Variants in TMTC2 observed in about 807,000 individuals in gnomAD.
TMTC2 encodes the protein protein O-mannosyl-transferase TMTC2.
Under a neutral mutation model 82.4 loss-of-function variants are expected in TMTC2, and 43 were observed. The ratio of observed to expected loss-of-function variants is 0.52; its 90% CI spans 0.41 to 0.67. TMTC2 has a LOEUF of 0.67. TMTC2 is among the 30% of genes least tolerant of loss of function. The probability of loss-of-function intolerance (pLI) is 0.00; values close to 1 mark genes in which losing one functional copy is unlikely to be tolerated. For synonymous variants in TMTC2, 408 were observed against 381.9 expected, an observed-to-expected ratio of 1.07 and a Z score of -0.80; for missense variants, 919 against 1,012.4, an observed-to-expected ratio of 0.91 and a Z score of 1.25.
intron 7 of TMTC2, among the ~76,000 whole-genome samples, chr12:82,970,585 G>A (rs542777651): frequency 1.3e-4 from 19 of 151,342 alleles, no homozygotes; most frequent in South Asian, 2.1e-4. Flanking sequence ...CACCCGCCTC[G>A]GCCTCCCAAA....
intron 2 of TMTC2, among the ~76,000 whole-genome samples, chr12:82,887,616 T>C (rs1039698720): frequency 6.6e-6 from 1 of 152,220 alleles, no homozygotes; most frequent in Admixed American, 6.5e-5. Flanking sequence ...AACCTTATAT[T>C]GGCTGACTTT....
intron 11 of TMTC2, among the ~76,000 whole-genome samples, chr12:83,112,158 T>A (rs554317528): frequency 2.0e-5 from 3 of 152,200 alleles, no homozygotes; most frequent in Non-Finnish European, 4.4e-5. Context: ...CTTACTTGAT[T>A]TTTATTCCAT....
At chr12:83,024,292 T>G (rs1881068124) in intron 8 of TMTC2, among the ~76,000 whole-genome samples, 1 of 152,226 alleles carries the variant, frequency 6.6e-6, no homozygotes, top group African/African-American at 2.4e-5. Flanking sequence ...AATGTTCCTT[T>G]TATTTGTAAA....
chr12:83,011,987 C>A (rs1296571487), intron 8 of TMTC2, among the ~76,000 whole-genome samples: 2 of 152,060 alleles, frequency 1.3e-5, no homozygotes, highest in Non-Finnish European at 2.9e-5. Flanking sequence ...AGGATTGGCC[C>A]AATTCACATG....
At chr12:82,775,252 C>T (rs923418155) in intron 1 of TMTC2, among the ~76,000 whole-genome samples, 11 of 151,930 alleles carry the variant, frequency 7.2e-5, no homozygotes, top group East Asian at 3.9e-4. Context: ...AGTTTGAGAC[C>T]GGCCTGGACA....
chr12:82,855,803 T>G (rs1348066065), intron 1 of TMTC2, among the ~76,000 whole-genome samples: 1 of 152,250 alleles, frequency 6.6e-6, no homozygotes, highest in Non-Finnish European at 1.5e-5. Context: ...TCAACAGCTT[T>G]ATTCTGAGCC....
intron 8 of TMTC2, among the ~76,000 whole-genome samples, chr12:83,021,221 G>A (rs1481560085): frequency 2.0e-5 from 3 of 151,950 alleles, no homozygotes; most frequent in African/African-American, 7.3e-5. Flanking sequence ...CCGATTTCCA[G>A]TATTCTTATG....
chr12:82,995,818 G>C (rs879664095), intron 8 of TMTC2, among the ~76,000 whole-genome samples: 24 of 152,154 alleles, frequency 1.6e-4, no homozygotes, highest in Non-Finnish European at 3.1e-4. Flanking sequence ...TTTGAGACAG[G>C]GTCTTGCTCT....
intron 3 of TMTC2, among the ~76,000 whole-genome samples, chr12:82,914,670 C>T (rs890699374): frequency 4.0e-5 from 6 of 151,858 alleles, no homozygotes; most frequent in African/African-American, 1.5e-4. Context: ...AAGTGTATAT[C>T]GAATTGGTTA....
intron 1 of TMTC2, among the ~76,000 whole-genome samples, chr12:82,817,451 C>G (rs1868808746): frequency 1.3e-5 from 2 of 152,058 alleles, no homozygotes; most frequent in South Asian, 4.1e-4. Context: ...ACAGTTTGAC[C>G]TATATCCTGT....
At chr12:82,911,008 G>A (rs1874617289) in intron 3 of TMTC2, among the ~76,000 whole-genome samples, 1 of 151,888 alleles carries the variant, frequency 6.6e-6, no homozygotes, top group South Asian at 2.1e-4. Context: ...AGCCTCCCGA[G>A]TAGCTGGGAC....
intron 1 of TMTC2, among the ~76,000 whole-genome samples, chr12:82,738,558 T>C (rs1875233009): frequency 6.6e-6 from 1 of 152,178 alleles, no homozygotes; most frequent in Admixed American, 6.5e-5. Flanking sequence ...TATAGTAGTA[T>C]TCAGGTGTTA....
At chr12:82,740,822 C>G (rs922009480) in intron 1 of TMTC2, among the ~76,000 whole-genome samples, 1 of 152,190 alleles carries the variant, frequency 6.6e-6, no homozygotes, top group African/African-American at 2.4e-5. Context: ...CTTTCTTTGA[C>G]CTGCTCTCAG....
In TMTC2 at chr12:83,039,734, C is replaced by T. The variant is rs377749181; in HGVS notation, c.2152+8855C>T. Among the ~76,000 whole-genome samples, 11 of 152,204 alleles carry T rather than the reference C, an allele frequency of 7.2e-5. No individual in the cohort carries two copies. The East Asian group carries it at 1.4e-3, about 19-fold the overall frequency. On this transcript the variant is annotated intron_variant, in intron 9 of 11. Transcript: ENST00000321196. The stretch of plus-strand genomic sequence containing the variant: ...GCAATGTTATCATCTCTTATGTCAA[C>T]GTATAGAATTATAAGACCATGCTAA...
chr12:82,800,925 GCATGCTTAGTAAA>G (rs1290216782), intron 1 of TMTC2, among the ~76,000 whole-genome samples: 1 of 152,126 alleles, frequency 6.6e-6, no homozygotes, highest in East Asian at 1.9e-4. Flanking sequence ...ACATACATTG[GCATGCTTAGTAAA>G]CATGTTAATG....
intron 9 of TMTC2, among the ~76,000 whole-genome samples, chr12:83,034,543 A>G (rs555963612): frequency 6.6e-6 from 1 of 152,316 alleles, no homozygotes; most frequent in African/African-American, 2.4e-5. Context: ...GACTAGAGAA[A>G]GGTCAGAATA....
intron 1 of TMTC2, among the ~76,000 whole-genome samples, chr12:82,741,796 A>C (rs745633396): frequency 1.8e-4 from 28 of 152,162 alleles, no homozygotes; most frequent in Non-Finnish European, 3.4e-4. Context: ...TGTCATGTAT[A>C]TGGGGGAGGA....
chr12:82,807,010 A>T (rs1879276443), intron 1 of TMTC2, among the ~76,000 whole-genome samples: 1 of 152,144 alleles, frequency 6.6e-6, no homozygotes, highest in African/African-American at 2.4e-5. Flanking sequence ...GTTCAAAACG[A>T]GCTCCTAACA....
intron 1 of TMTC2, among the ~76,000 whole-genome samples, chr12:82,721,485 G>C (rs1874202942): frequency 6.6e-6 from 1 of 152,040 alleles, no homozygotes; most frequent in South Asian, 2.1e-4. Context: ...AATAAAACTA[G>C]AAATAAGACT....
Sources: gnomAD v4.1 joint callset for allele counts (sites outside exome capture counted in the v4.1 genomes callset) on GRCh38, gnomAD v4.1.1 for gene constraint, MANE v1.5 for transcripts, NCBI Gene and HGNC (gene_info 2026-07-23, HGNC 2026-07-21) for gene names.